Variants in RAD51B observed in about 807,000 individuals in gnomAD.
The protein encoded by RAD51B is DNA repair protein RAD51 homolog 2.
RAD51B carries 38 observed loss-of-function variants against 42.2 expected under a neutral mutation model. The observed-to-expected ratio is 0.90, with a 90% CI of 0.70 to 1.18. The LOEUF (loss-of-function observed/expected upper bound fraction) is 1.18, where lower values mean the gene tolerates loss of function less well. Ranked by LOEUF, RAD51B falls within the 50% of genes most tolerant of loss-of-function variation. The probability of loss-of-function intolerance (pLI) is 0.00; values close to 1 mark genes in which losing one functional copy is unlikely to be tolerated. For synonymous variants in RAD51B, 154 were observed against 145.2 expected (o/e 1.06, Z -0.43); for missense variants, 373 against 400.7 (o/e 0.93, Z 0.59).
chr14:68,571,747 G>T (rs1277987931), intron 10 of RAD51B, among the ~76,000 whole-genome samples: 1 of 152,100 alleles, frequency 6.6e-6, no homozygotes, highest in African/African-American at 2.4e-5. Flanking sequence ...CATATAGTTA[G>T]TTGGTTGATT....
chr14:68,277,791 T>C (rs1325643799), intron 7 of RAD51B, among the ~76,000 whole-genome samples: 1 of 152,014 alleles, frequency 6.6e-6, no homozygotes, highest in Admixed American at 6.6e-5. Context: ...CAGGCTGGAG[T>C]GTAGTGGCAT....
At chr14:67,821,120 G>A (rs765822834) in intron 1 of RAD51B, among the ~76,000 whole-genome samples, 1 of 152,184 alleles carries the variant, frequency 6.6e-6, no homozygotes, top group Admixed American at 6.5e-5. Context: ...TTTTGCAGGC[G>A]AATTTGGGGC....
At chr14:68,421,128 T>A (rs181414135) in intron 9 of RAD51B, among the ~76,000 whole-genome samples, 1 of 152,218 alleles carries the variant, frequency 6.6e-6, no homozygotes, top group African/African-American at 2.4e-5. Flanking sequence ...TTCTTGCTTT[T>A]TTTCTCTTGC....
At chr14:68,504,776 C>G (rs1364256780) in intron 10 of RAD51B, among the ~76,000 whole-genome samples, 3 of 144,928 alleles carry the variant, frequency 2.1e-5, no homozygotes, top group Non-Finnish European at 4.5e-5. Flanking sequence ...TCTCCATTGC[C>G]AAATACTATT....
intron 7 of RAD51B, among the ~76,000 whole-genome samples, chr14:68,184,605 G>A (rs1362255571): frequency 1.4e-5 from 1 of 72,936 alleles, no homozygotes; most frequent in Non-Finnish European, 2.5e-5. Context: ...GCAAGGCCCT[G>A]TCTAAAAAAA....
chr14:67,969,672 GC>G (rs1178901727), intron 7 of RAD51B, among the ~76,000 whole-genome samples: 2 of 151,990 alleles, frequency 1.3e-5, no homozygotes, highest in African/African-American at 4.8e-5. Context: ...AGTTTTCTGT[GC>G]TTGATTTAGC....
intron 7 of RAD51B, among the ~76,000 whole-genome samples, chr14:68,250,467 T>G (rs1461390493): frequency 1.3e-5 from 2 of 152,256 alleles, no homozygotes; most frequent in Non-Finnish European, 2.9e-5. Context: ...CAGTTTACTT[T>G]TAAGGGAAAC....
At chr14:68,648,042 CG>C (rs1892603844) in intron 10 of RAD51B, among the ~76,000 whole-genome samples, 1 of 71,472 alleles carries the variant, frequency 1.4e-5, no homozygotes, top group Non-Finnish European at 2.9e-5. Context: ...TATATACACA[CG>C]TATATAGATG....
At chr14:68,664,608 CA>C (rs1345373231) in intron 11 of RAD51B, among the ~76,000 whole-genome samples, 1 of 152,180 alleles carries the variant, frequency 6.6e-6, no homozygotes, top group Non-Finnish European at 1.5e-5. Context: ...AAAGAGAGCA[CA>C]ATTCCCTCTT....
intron 8 of RAD51B, among the ~76,000 whole-genome samples, chr14:68,392,726 C>T (rs1487490577): frequency 2.8e-4 from 43 of 152,210 alleles, no homozygotes; most frequent in Admixed American, 2.7e-3. Context: ...CCTCCTTTTC[C>T]GAGGAGGACA....
At chr14:68,044,783 T>C (rs1166046905) in intron 7 of RAD51B, among the ~76,000 whole-genome samples, 4 of 152,108 alleles carry the variant, frequency 2.6e-5, no homozygotes, top group African/African-American at 9.7e-5. Flanking sequence ...TTACTGGCTA[T>C]AATCTAATTA....
intron 8 of RAD51B, among the ~76,000 whole-genome samples, chr14:68,311,821 A>G (rs967082912): frequency 6.6e-6 from 1 of 152,202 alleles, no homozygotes; most frequent in Non-Finnish European, 1.5e-5. Flanking sequence ...GGGACCTGGG[A>G]GGTGGAGGTT....
chr14:67,964,622 C>CT (rs572527810), intron 7 of RAD51B, among the ~76,000 whole-genome samples: 6 of 151,252 alleles, frequency 4.0e-5, no homozygotes, highest in African/African-American at 4.9e-5. Context: ...TTTTCTTTTT[C>CT]TTTTTTTTTC....
rs1413205068 is a variant in RAD51B at position 68,385,553 on chromosome 14, G to A, written c.854-25871G>A. Among the ~76,000 whole-genome samples, 6 of 152,162 alleles carry A rather than the reference G, an allele frequency of 3.9e-5. No homozygotes were observed. The East Asian group carries it at 7.7e-4, about 20-fold the overall frequency. ...CCTAATTTGTCCCCCAAGACTATAC[G>A]AGAAGGGCAGTCTTACTTCTGGACC... On this transcript the variant is annotated intron_variant, in intron 8 of 10. Transcript: ENST00000471583.
chr14:68,091,582 T>A (rs1483918765), intron 7 of RAD51B, among the ~76,000 whole-genome samples: 1 of 152,246 alleles, frequency 6.6e-6, no homozygotes, highest in African/African-American at 2.4e-5. Context: ...GAGTTCATTG[T>A]AGATTGTGGA....
intron 7 of RAD51B, among the ~76,000 whole-genome samples, chr14:68,127,620 C>G (rs958146765): frequency 1.6e-5 from 2 of 127,910 alleles, no homozygotes; most frequent in African/African-American, 8.1e-5. Flanking sequence ...CACACACACA[C>G]ACACACACAC....
At chr14:68,287,077 G>T (rs924657355) in intron 7 of RAD51B, among the ~76,000 whole-genome samples, 1 of 152,040 alleles carries the variant, frequency 6.6e-6, no homozygotes, top group African/African-American at 2.4e-5. Flanking sequence ...CCAGCCTTCT[G>T]CCTTAGCAGT....
chr14:68,058,912 A>G lies in RAD51B; in HGVS notation c.756+171708A>G, dbSNP rs558812993. Among the ~76,000 whole-genome samples, 7 of 152,344 alleles carry G rather than the reference A, an allele frequency of 4.6e-5. No individual in the cohort carries two copies. In the South Asian group the frequency reaches 6.2e-4, roughly 14 times the overall value. ...TTTTGCCAACACCTGCCAATTGAAGATATTTCAAGGGCCAGCATTTGATGT... is the reference window on the plus strand; with the variant it reads ...TTTTGCCAACACCTGCCAATTGAAGGTATTTCAAGGGCCAGCATTTGATGT... On this transcript the variant is annotated intron_variant, in intron 7 of 10. Coordinates refer to ENST00000471583, the MANE Select transcript of RAD51B (RefSeq NM_133510.4).
chr14:68,304,481 C>A (rs941360410), intron 8 of RAD51B, among the ~76,000 whole-genome samples: 6 of 152,320 alleles, frequency 3.9e-5, no homozygotes, highest in Admixed American at 1.3e-4. Flanking sequence ...CATACAACTA[C>A]CTCAGCTAGA....
Sources: allele counts gnomAD v4.1 joint callset (sites outside exome capture counted in the v4.1 genomes callset), GRCh38; gene constraint gnomAD v4.1.1; transcripts MANE v1.5; gene names NCBI Gene and HGNC (gene_info 2026-07-23, HGNC 2026-07-21).